CCDC171: variants seen among roughly 807,000 people sequenced by gnomAD.
CCDC171 encodes coiled-coil domain containing 171.
In CCDC171, 177 loss-of-function variants were observed where a neutral mutation model predicts 168.2. The observed-to-expected ratio is 1.05, with a 90% CI of 0.93 to 1.19. CCDC171 has a LOEUF of 1.19. Among genes scored for constraint, CCDC171 ranks in the 50% most tolerant of loss-of-function variants. CCDC171 has a pLI of 0.00. For synonymous variants in CCDC171, 687 were observed against 540.8 expected (o/e 1.27, Z -3.75); for missense variants, 1,991 against 1,539.0 (o/e 1.29, Z -4.91).
chr9:15,912,354 A>G (rs547329735), intron 24 of CCDC171, among the ~76,000 whole-genome samples: 8 of 152,064 alleles, frequency 5.3e-5, no homozygotes, highest in East Asian at 1.9e-4. Context: ...CTGTTTGTCT[A>G]TTATTGGTGT....
At chr9:16,038,723 TA>T (rs1833517385), upstream of CCDC171, among the ~76,000 whole-genome samples, 1 of 151,898 alleles carries the variant, frequency 6.6e-6, no homozygotes, top group Non-Finnish European at 1.5e-5. Context: ...TAAAAAATGT[TA>T]ATGAACTAAA....
intron 21 of CCDC171, among the ~76,000 whole-genome samples, chr9:15,825,886 C>G (rs1296149647): frequency 6.6e-6 from 1 of 152,236 alleles, no homozygotes; most frequent in South Asian, 2.1e-4. Context: ...CACTAAGCTT[C>G]CAGAGGATTA....
At chr9:15,836,822 A>G (rs1236358285) in intron 21 of CCDC171, among the ~76,000 whole-genome samples, 1 of 152,226 alleles carries the variant, frequency 6.6e-6, no homozygotes, top group African/African-American at 2.4e-5. Flanking sequence ...CCACCGATTT[A>G]CATCGTCAAA....
Position 15,629,168 on chromosome 9 carries a change from A to G in CCDC171, c.822+5755A>G, listed in dbSNP as rs1283928554. ...TGCAGTTCCTCACCAGCAACGGAAC[A>G]AAGCTGGATGGAGAATGACTTTGAC... is the stretch of plus-strand genomic sequence containing the variant. On this transcript the variant is annotated intron_variant, in intron 7 of 25. Coordinates refer to ENST00000380701, the MANE Select transcript of CCDC171 (RefSeq NM_173550.4). Among the ~76,000 whole-genome samples the G allele has an allele frequency of 3.3e-5, 5 of 152,168 alleles. No homozygotes were observed. The East Asian group carries it at 9.6e-4, about 29-fold the overall frequency.
At chr9:16,042,100 C>G (rs956901591), upstream of CCDC171, among the ~76,000 whole-genome samples, 2 of 152,146 alleles carry the variant, frequency 1.3e-5, no homozygotes, top group African/African-American at 4.8e-5. Context: ...CTTTCCCAGA[C>G]TCAGTCAGCT....
rs1170334599 is a variant in CCDC171, at chr9:15,777,643, C to G, written c.2715C>G (p.Ala905=). Reference sequence around the variant, plus strand: ...GTGGACATTTACTCATAGGTGCAGCCAAGAATTCTTTTGCAAAACTCATGG... The same window carrying G: ...GTGGACATTTACTCATAGGTGCAGCGAAGAATTCTTTTGCAAAACTCATGG... ...RICGHLLIGA[A]KNSFAKLMDK... is the part of the protein sequence containing the mutation. The change falls in exon 19 of 26, where the codon GCC becomes GCG. Residue 905 remains alanine (A), a synonymous_variant. Transcript: ENST00000380701. 1 of 1,613,590 alleles carries G rather than the reference C, an allele frequency of 6.2e-7. No homozygotes were observed. Among genetic ancestry groups the G allele is most frequent in the Non-Finnish European group, 8.5e-7 (1 of 1,179,906 alleles).
Position 15,882,702 on chromosome 9 carries a change from T to G in CCDC171, c.3600+8039T>G, listed in dbSNP as rs546771986. The stretch of plus-strand genomic sequence containing the variant: ...CAATCTGTATCTTCTCCTAAGATTT[T>G]AGTGTTTCATGACTGGGAAAACTGC... On this transcript the variant is annotated intron_variant, in intron 24 of 25. Transcript: ENST00000380701. Among the ~76,000 whole-genome samples the G allele has an allele frequency of 2.0e-5, 3 of 152,242 alleles. No individual in the cohort carries two copies. In the South Asian group the frequency reaches 6.2e-4, roughly 32 times the overall value.
chr9:15,620,301 G>C (rs1230378328), intron 6 of CCDC171, among the ~76,000 whole-genome samples: 1 of 152,170 alleles, frequency 6.6e-6, no homozygotes, highest in Admixed American at 6.5e-5. Context: ...TGCCATTCTA[G>C]ATGCCCTTAA....
chr9:15,561,049 C>A (rs767660236), intron 1 of CCDC171, among the ~76,000 whole-genome samples: 12 of 152,144 alleles, frequency 7.9e-5, no homozygotes, highest in Non-Finnish European at 1.3e-4. Context: ...ATGCAGAAAT[C>A]ATTCGTCTTT....
intron 1 of CCDC171, among the ~76,000 whole-genome samples, chr9:15,554,170 C>A (rs1020542577): frequency 3.3e-5 from 5 of 152,166 alleles, no homozygotes; most frequent in African/African-American, 1.2e-4. Context: ...CCGGCGCACG[C>A]CGCCACGCCC....
At chr9:15,934,389 C>CAAAAA (rs71304892) in intron 25 of CCDC171, among the ~76,000 whole-genome samples, 8 of 114,186 alleles carry the variant, frequency 7.0e-5, no homozygotes, top group South Asian at 5.9e-4. Context: ...GACCCTGTCT[C>CAAAAA]AAAAAAAAAA....
At chr9:16,008,063 C>A (rs1229205098) in intron 3 of CCDC171, among the ~76,000 whole-genome samples, 1 of 152,112 alleles carries the variant, frequency 6.6e-6, no homozygotes, top group Non-Finnish European at 1.5e-5. Flanking sequence ...CTTTGAAGCA[C>A]AAAAGTTTTC....
intron 7 of CCDC171, among the ~76,000 whole-genome samples, chr9:15,629,938 G>A (rs926022572): frequency 1.3e-5 from 2 of 152,174 alleles, no homozygotes; most frequent in African/African-American, 4.8e-5. Flanking sequence ...AGCTTCATAA[G>A]TGAAGGAGAA....
chr9:15,648,972 G>A (rs1284030747), intron 7 of CCDC171, among the ~76,000 whole-genome samples: 2 of 152,260 alleles, frequency 1.3e-5, no homozygotes, highest in East Asian at 1.9e-4. Flanking sequence ...AAAGCTAGAG[G>A]CATCATGCTA....
chr9:16,025,888 A>G (rs998430043), intron 6 of CCDC171, among the ~76,000 whole-genome samples: 1 of 152,330 alleles, frequency 6.6e-6, no homozygotes, highest in Non-Finnish European at 1.5e-5. Context: ...CACAACATGA[A>G]TGCACTAAAA....
intron 11 of CCDC171, among the ~76,000 whole-genome samples, chr9:15,706,005 C>T (rs1205934613): frequency 2.0e-5 from 3 of 152,158 alleles, no homozygotes; most frequent in Non-Finnish European, 1.5e-5. Context: ...AAAGATTGAC[C>T]TCCAGTGGAA....
chr9:15,972,289 C>G lies in CCDC171; in HGVS notation c.*453C>G. 1 of 161,794 alleles carries G rather than the reference C, an allele frequency of 6.2e-6. No homozygotes were observed. The highest frequency in any genetic ancestry group is 6.3e-5 in the Admixed American group (1 of 15,970). 10.0% of individuals were successfully genotyped at this position (161,794 alleles called of 1,614,324 possible). On this transcript the variant is annotated 3_prime_UTR_variant, in exon 26 of 26. Coordinates refer to ENST00000380701, the MANE Select transcript of CCDC171 (RefSeq NM_173550.4). ...GCCATGGTTCACTGAGCCCCCTCTT[C>G]TCTCTTGTCAGCTCAACTGAAGACA...
downstream of CCDC171, among the ~76,000 whole-genome samples, chr9:15,976,624 C>G (rs927264758): frequency 1.3e-5 from 2 of 151,602 alleles, no homozygotes; most frequent in Middle Eastern, 3.4e-3. Context: ...ATATTAATCA[C>G]AGCTTAAAAT....
chr9:16,099,932 G>T, the CCDC171 span, among the ~76,000 whole-genome samples: 18,007 of 151,434 alleles, frequency 0.12, 2,474 homozygotes, highest in African/African-American at 0.34. Context: ...CTTGCCTGTG[G>T]AAAAAGGCCA....
Sources: allele counts gnomAD v4.1 joint callset (sites outside exome capture counted in the v4.1 genomes callset), GRCh38; gene constraint gnomAD v4.1.1; transcripts MANE v1.5; gene names NCBI Gene and HGNC (gene_info 2026-07-23, HGNC 2026-07-21).